Variants in DPP10 observed in about 807,000 individuals in gnomAD.
DPP10 encodes the protein dipeptidyl peptidase like 10.
In DPP10, 33 loss-of-function variants were observed where a neutral mutation model predicts 120.9. The ratio of observed to expected loss-of-function variants is 0.27; its 90% CI spans 0.21 to 0.37. The LOEUF (loss-of-function observed/expected upper bound fraction) is 0.37, where lower values mean the gene tolerates loss of function less well. Among genes scored for constraint, DPP10 ranks in the 10% least tolerant of loss-of-function variants. DPP10 has a pLI of 1.00. For missense variants in DPP10, 816 were observed against 942.8 expected, an observed-to-expected ratio of 0.87 and a Z score of 1.76; for synonymous variants, 337 against 326.1, an observed-to-expected ratio of 1.03 and a Z score of -0.36.
At chr2:115,135,855 T>A (rs897305187) in intron 1 of DPP10, among the ~76,000 whole-genome samples, 1 of 152,290 alleles carries the variant, frequency 6.6e-6, no homozygotes, top group Non-Finnish European at 1.5e-5. Flanking sequence ...AGTTTCCTCA[T>A]GGTTTGTGAT....
At chr2:114,548,782 A>G (rs1200623721) in intron 1 of DPP10, among the ~76,000 whole-genome samples, 1 of 152,178 alleles carries the variant, frequency 6.6e-6, no homozygotes, top group Non-Finnish European at 1.5e-5. Context: ...TCCACGCCTG[A>G]GTGTTCCTAT....
At chr2:115,101,214 G>A (rs2048678770) in intron 1 of DPP10, among the ~76,000 whole-genome samples, 1 of 152,034 alleles carries the variant, frequency 6.6e-6, no homozygotes, top group South Asian at 2.1e-4. Flanking sequence ...CTCAATCCCA[G>A]GTGTGCAATT....
At chr2:115,660,807 A>G (rs905322195) in intron 5 of DPP10, among the ~76,000 whole-genome samples, 5 of 151,744 alleles carry the variant, frequency 3.3e-5, no homozygotes, top group African/African-American at 9.7e-5. Context: ...ATACAAATAT[A>G]CTTTTTGTGC....
intron 1 of DPP10, among the ~76,000 whole-genome samples, chr2:114,992,518 C>A (rs1700807665): frequency 6.6e-6 from 1 of 152,150 alleles, no homozygotes; most frequent in South Asian, 2.1e-4. Flanking sequence ...TCCAATCAGT[C>A]CTTTTTGGGG....
intron 5 of DPP10, among the ~76,000 whole-genome samples, chr2:115,663,801 C>T (rs957571561): frequency 2.0e-5 from 3 of 151,998 alleles, no homozygotes; most frequent in African/African-American, 7.3e-5. Flanking sequence ...TCCAGAGCAG[C>T]CTGATCAACA....
chr2:114,468,999 A>G (rs1012907294), intron 1 of DPP10, among the ~76,000 whole-genome samples: 3 of 152,348 alleles, frequency 2.0e-5, no homozygotes, highest in South Asian at 4.1e-4. Context: ...CTAATGATGC[A>G]GAAGTTGACA....
At chr2:114,953,491 C>T (rs531007834) in intron 1 of DPP10, among the ~76,000 whole-genome samples, 12 of 150,866 alleles carry the variant, frequency 8.0e-5, no homozygotes, top group East Asian at 3.9e-4. Context: ...TGTGTGTGTG[C>T]GTGTGTGTGT....
chr2:114,469,380 T>C (rs72840609), intron 1 of DPP10, among the ~76,000 whole-genome samples: 19,895 of 152,240 alleles, frequency 0.13, 1,770 homozygotes, highest in South Asian at 0.29. Flanking sequence ...GGTTTTATCA[T>C]TCATCTTGTT....
At chr2:114,741,992 G>A (rs1385343642) in intron 1 of DPP10, among the ~76,000 whole-genome samples, 1 of 152,146 alleles carries the variant, frequency 6.6e-6, no homozygotes, top group East Asian at 1.9e-4. Context: ...ACACCACAAG[G>A]AGTCAACAAA....
At chr2:115,309,141 TTCAAACTG>T (rs1351745834) in intron 1 of DPP10, 90 bp from the exon 2 acceptor site, 1 of 892,408 alleles carries the variant, frequency 1.1e-6, no homozygotes, top group East Asian at 2.6e-5. Flanking sequence ...CTAATCAGCT[TTCAAACTG>T]TGATTGTGCC....
intron 1 of DPP10, among the ~76,000 whole-genome samples, chr2:115,124,573 G>T (rs2049980966): frequency 6.6e-6 from 1 of 151,974 alleles, no homozygotes; most frequent in Non-Finnish European, 1.5e-5. Flanking sequence ...ACTTTCTCAG[G>T]GCCATTTACT....
At chr2:115,743,276 T>C (rs531556196) in intron 9 of DPP10, among the ~76,000 whole-genome samples, 17 of 152,274 alleles carry the variant, frequency 1.1e-4, no homozygotes, top group African/African-American at 3.6e-4. Context: ...TAGAGAATGC[T>C]GGACTGTTGA....
chr2:115,805,767 C>G (rs113572993), intron 19 of DPP10, among the ~76,000 whole-genome samples: 2,774 of 151,958 alleles, frequency 0.018, 87 homozygotes, highest in African/African-American at 0.061. Context: ...TGGAGATGGG[C>G]TTTTGCCACG....
chr2:115,299,606 A>G (rs971507083), intron 1 of DPP10, among the ~76,000 whole-genome samples: 2 of 152,068 alleles, frequency 1.3e-5, no homozygotes, highest in African/African-American at 4.8e-5. Context: ...TAAATTATAT[A>G]GACATATATA....
chr2:115,417,950 C>T (rs2069580799), intron 3 of DPP10, among the ~76,000 whole-genome samples: 1 of 152,098 alleles, frequency 6.6e-6, no homozygotes, highest in African/African-American at 2.4e-5. Context: ...GGCATTGTTG[C>T]CCTAATGGGA....
rs576910278 is a variant in DPP10, at chr2:115,453,419, T to A, written c.272-46091T>A. Among the ~76,000 whole-genome samples the A allele has an allele frequency of 1.1e-4, 17 of 151,730 alleles. No homozygotes were observed. The South Asian group carries it at 3.3e-3, about 30-fold the overall frequency. On this transcript the variant is annotated intron_variant, in intron 3 of 25. Coordinates refer to ENST00000410059, the MANE Select transcript of DPP10 (RefSeq NM_020868.6). ...ATTTTGCAAAGTCTATGTCACTGAA[T>A]AACAGTGAATATGATTTTTCCTTAT...
intron 1 of DPP10, among the ~76,000 whole-genome samples, chr2:114,938,270 G>A (rs1696632974): frequency 6.6e-6 from 1 of 151,984 alleles, no homozygotes; most frequent in African/African-American, 2.4e-5. Flanking sequence ...TCTAAAATAT[G>A]ATATTAAGGA....
chr2:115,043,023 C>T (rs1029423490), intron 1 of DPP10, among the ~76,000 whole-genome samples: 6 of 152,122 alleles, frequency 3.9e-5, no homozygotes, highest in African/African-American at 1.4e-4. Flanking sequence ...CTGACCAAGG[C>T]CAAAATCTGT....
Position 114,588,548 on chromosome 2 carries a change from A to C in DPP10, c.60+145710A>C, listed in dbSNP as rs368464686. 2.2e-4 allele frequency among the ~76,000 whole-genome samples: 33 copies of C among 152,322 alleles called. No individual in the cohort carries two copies. The South Asian group carries it at 6.8e-3, about 32-fold the overall frequency. On this transcript the variant is annotated intron_variant, in intron 1 of 25. Transcript: ENST00000410059. ...AACACAAATAAATGATAAATATTTG[A>C]GGTGGTGAGTATGCTACTTACCCTG... is the stretch of plus-strand genomic sequence containing the variant.
Sources: gnomAD v4.1 joint callset for allele counts (sites outside exome capture counted in the v4.1 genomes callset) on GRCh38, gnomAD v4.1.1 for gene constraint, MANE v1.5 for transcripts, NCBI Gene and HGNC (gene_info 2026-07-23, HGNC 2026-07-21) for gene names.